The following PRKN variants were observed in gnomAD, a reference collection of about 807,000 sequenced individuals.
PRKN encodes E3 ubiquitin-protein ligase parkin.
A neutral mutation model predicts 59.5 loss-of-function variants in PRKN; 56 were observed. The observed-to-expected ratio is 0.94, with a 90% CI of 0.76 to 1.18. The LOEUF is 1.18. Ranked by LOEUF, PRKN falls within the 50% of genes most tolerant of loss-of-function variation. PRKN has a pLI of 0.00. For missense variants in PRKN, 657 were observed against 596.4 expected, an observed-to-expected ratio of 1.10 and a Z score of -1.06; for synonymous variants, 250 against 222.1, an observed-to-expected ratio of 1.13 and a Z score of -1.12.
At chr6:161,919,201 C>T (rs1778688116) in intron 6 of PRKN, among the ~76,000 whole-genome samples, 1 of 152,044 alleles carries the variant, frequency 6.6e-6, no homozygotes, top group Non-Finnish European at 1.5e-5. Flanking sequence ...GTTTCACGTA[C>T]AATAACTTTG....
intron 4 of PRKN, among the ~76,000 whole-genome samples, chr6:162,179,138 T>G (rs889303469): frequency 2.6e-5 from 4 of 152,200 alleles, no homozygotes; most frequent in African/African-American, 9.6e-5. Context: ...CCTCGGCCTC[T>G]CGAAGTGCTG....
intron 4 of PRKN, among the ~76,000 whole-genome samples, chr6:162,135,697 T>C (rs1049394793): frequency 6.6e-6 from 1 of 151,982 alleles, no homozygotes; most frequent in Admixed American, 6.6e-5. Context: ...AGAGGGTCTT[T>C]GCAATGGGCT....
At chr6:162,028,776 G>C (rs1783532896) in intron 5 of PRKN, among the ~76,000 whole-genome samples, 1 of 152,202 alleles carries the variant, frequency 6.6e-6, no homozygotes, top group African/African-American at 2.4e-5. Context: ...TTTCACATGG[G>C]GGACCCGTAG....
intron 3 of PRKN, among the ~76,000 whole-genome samples, chr6:162,213,968 T>C (rs1777525469): frequency 6.6e-6 from 1 of 151,830 alleles, no homozygotes; most frequent in South Asian, 2.1e-4. Flanking sequence ...TCCAGATGCA[T>C]CCACTCATAC....
intron 1 of PRKN, among the ~76,000 whole-genome samples, chr6:162,717,663 G>A (rs1024417121): frequency 1.4e-4 from 21 of 151,554 alleles, no homozygotes; most frequent in African/African-American, 4.9e-5. Flanking sequence ...GTGGTAATTC[G>A]TTACAGCAAC....
intron 4 of PRKN, among the ~76,000 whole-genome samples, chr6:162,107,239 C>T (rs529184248): frequency 1.3e-5 from 2 of 152,146 alleles, no homozygotes; most frequent in South Asian, 2.1e-4. Context: ...CCAAAGGGGG[C>T]GCATCACTTG....
chr6:162,582,569 T>C (rs71567660), intron 1 of PRKN, among the ~76,000 whole-genome samples: 13,889 of 152,176 alleles, frequency 0.091, 771 homozygotes, highest in South Asian at 0.19. Flanking sequence ...CAAATTTGCA[T>C]GATAATATCT....
intron 7 of PRKN, among the ~76,000 whole-genome samples, chr6:161,631,772 A>AACACACACACAC (rs147449873): frequency 2.4e-4 from 36 of 150,470 alleles, no homozygotes; most frequent in African/African-American, 8.3e-4. Flanking sequence ...CACCCAGACA[A>AACACACACACAC]ACACACACAC....
At chr6:161,382,201 C>T (rs895348864) in intron 10 of PRKN, among the ~76,000 whole-genome samples, 30 of 149,812 alleles carry the variant, frequency 2.0e-4, no homozygotes, top group African/African-American at 7.1e-4. Context: ...TACAGAGAAA[C>T]GATATTTCAA....
At chr6:162,484,621 A>G (rs1308562523) in intron 1 of PRKN, among the ~76,000 whole-genome samples, 2 of 152,226 alleles carry the variant, frequency 1.3e-5, no homozygotes, top group African/African-American at 2.4e-5. Flanking sequence ...CTTCCGAATC[A>G]AGAGAGTAAC....
intron 2 of PRKN, among the ~76,000 whole-genome samples, chr6:162,346,998 TTATTCCTAA>T (rs967287415): frequency 5.3e-5 from 8 of 151,938 alleles, no homozygotes; most frequent in African/African-American, 1.9e-4. Flanking sequence ...GTGTACTTTT[TTATTCCTAA>T]TATTATTTGT....
intron 2 of PRKN, among the ~76,000 whole-genome samples, chr6:162,395,840 A>G (rs934884793): frequency 2.6e-5 from 4 of 152,210 alleles, no homozygotes; most frequent in African/African-American, 9.6e-5. Flanking sequence ...GCATACATAT[A>G]GGACTATTAT....
At chr6:162,394,168 T>C (rs1302116954) in intron 2 of PRKN, among the ~76,000 whole-genome samples, 1 of 152,158 alleles carries the variant, frequency 6.6e-6, no homozygotes, top group Non-Finnish European at 1.5e-5. Context: ...AATATACTTG[T>C]TCAAAAATCT....
At chr6:161,521,962 A>G (rs1446268088) in intron 9 of PRKN, among the ~76,000 whole-genome samples, 1 of 152,172 alleles carries the variant, frequency 6.6e-6, no homozygotes, top group African/African-American at 2.4e-5. Context: ...CAGAACAGAG[A>G]TGCAAACTGA....
intron 4 of PRKN, among the ~76,000 whole-genome samples, chr6:162,082,012 A>G (rs1479809545): frequency 6.6e-6 from 1 of 151,654 alleles, no homozygotes; most frequent in African/African-American, 2.4e-5. Flanking sequence ...CAGCTTCCTC[A>G]CCTCTCTCAG....
intron 2 of PRKN, among the ~76,000 whole-genome samples, chr6:162,389,169 C>T (rs1278025255): frequency 6.6e-6 from 1 of 152,036 alleles, no homozygotes; most frequent in African/African-American, 2.4e-5. Context: ...CAAATGCCTC[C>T]TAGCTCAGTG....
intron 2 of PRKN, among the ~76,000 whole-genome samples, chr6:162,386,537 C>A (rs1425831762): frequency 6.6e-6 from 1 of 152,174 alleles, no homozygotes; most frequent in African/African-American, 2.4e-5. Flanking sequence ...TCTGGTGGGT[C>A]TGGTAAGGCT....
In PRKN at chr6:161,576,527, T is replaced by G. The variant is rs1781135080; in HGVS notation, c.872-7111A>C. Among the ~76,000 whole-genome samples, 1 of 152,174 alleles carries G rather than the reference T, an allele frequency of 6.6e-6. No homozygotes were observed. The highest frequency in any genetic ancestry group is 2.4e-5 in the African/African-American group (1 of 41,422). On this transcript the variant is annotated intron_variant, in intron 7 of 11. Coordinates refer to ENST00000366898, the MANE Select transcript of PRKN (RefSeq NM_004562.3). The surrounding 1 kb of genome is among the most constrained non-coding windows in gnomAD (Gnocchi z 4.6). ...TCAACAGAAGAAGAGATAAAATCAT[T>G]CAACAAATAGCCATTGTGCACCCAC...
intron 1 of PRKN, among the ~76,000 whole-genome samples, chr6:162,591,223 C>CT (rs34226311): frequency 2.2e-4 from 32 of 148,532 alleles, no homozygotes; most frequent in East Asian, 4.0e-4. Context: ...ATGATACTTT[C>CT]TTTTTTTTTT....
Sources: allele counts gnomAD v4.1 joint callset (sites outside exome capture counted in the v4.1 genomes callset), GRCh38; gene constraint gnomAD v4.1.1; non-coding constraint Gnocchi (gnomAD v3.1); transcripts MANE v1.5; gene names NCBI Gene and HGNC (gene_info 2026-07-23, HGNC 2026-07-21).